WRAP73: variants seen among roughly 807,000 people sequenced by gnomAD.
The protein encoded by WRAP73 is WD repeat containing, antisense to TP73.
WRAP73 carries 55 observed loss-of-function variants against 59.6 expected under a neutral mutation model. The observed-to-expected ratio is 0.92, with a 90% CI of 0.74 to 1.15. The LOEUF is 1.15. WRAP73 is among the 50% of genes most tolerant of loss of function. WRAP73 has a pLI of 0.00. For synonymous variants in WRAP73, 265 were observed against 258.2 expected, an observed-to-expected ratio of 1.03 and a Z score of -0.25; for missense variants, 592 against 608.1, an observed-to-expected ratio of 0.97 and a Z score of 0.28.
intron 9 of WRAP73, 133 bp downstream of exon 9, chr1:3,633,265 G>A: frequency 7.3e-6 from 6 of 822,798 alleles, no homozygotes; most frequent in Non-Finnish European, 1.2e-5. Context: ...AGGCTGAGGG[G>A]CACACTGGCT....
chr1:3,645,640 G>A (rs1439233700), intron 3 of WRAP73, among the ~76,000 whole-genome samples: 1 of 152,342 alleles, frequency 6.6e-6, no homozygotes, highest in African/African-American at 2.4e-5. Context: ...CATCAGAAAA[G>A]CACATTATTA....
intron 1 of WRAP73, 56 bp downstream of exon 1, chr1:3,649,875 C>A: frequency 6.5e-7 from 1 of 1,542,816 alleles, no homozygotes; most frequent in Non-Finnish European, 8.7e-7. Context: ...GCCCTGCCCG[C>A]CGGGGACGCT....
Position 3,649,804 on chromosome 1 carries a change from C to G in WRAP73, c.69+127G>C, listed in dbSNP as rs1055744348. ...CCCGGGTACCTGCCCGGGCCCCGCA[C>G]CTGTCCGGGCACCGCACCTGCAGGA... On this transcript the variant is annotated intron_variant, in intron 1 of 11. Transcript: ENST00000270708. 1.1e-5 allele frequency: 11 copies of G among 1,010,890 alleles called. No homozygotes were observed. In the African/African-American group the frequency reaches 1.9e-4, roughly 17 times the overall value. The allele number at this position is 1,010,890 out of a possible 1,614,324, so 62.6% of individuals were successfully genotyped here.
At chr1:3,632,750 C>A (rs1008047127) in intron 9 of WRAP73, 1 of 285,312 alleles carries the variant, frequency 3.5e-6, no homozygotes, top group Non-Finnish European at 6.8e-6. Flanking sequence ...GAAGAACCAT[C>A]ATCACAGCAG....
chr1:3,647,523 AC>A lies in WRAP73; in HGVS notation c.106del (p.Val36Ter), dbSNP rs758309144. On this transcript the variant is annotated frameshift_variant, in exon 2 of 12. Coordinates refer to ENST00000270708, the MANE Select transcript of WRAP73 (RefSeq NM_017818.4). LOFTEE classifies it high-confidence loss of function. The stretch of plus-strand genomic sequence containing the variant: ...CAGCTGAAGGATCTGAAGGGTGTTC[AC>A]ATCCCGGACCACTAACCGGTACTGG... ...CVQYRLVVRD[V>X]NTLQILQLYT... is the part of the protein sequence containing the mutation. 1 of 1,613,944 alleles carries A rather than the reference AC, an allele frequency of 6.2e-7. No individual in the cohort carries two copies.
chr1:3,649,310 G>A (rs1314144032), intron 1 of WRAP73, among the ~76,000 whole-genome samples: 1 of 152,166 alleles, frequency 6.6e-6, no homozygotes, highest in Non-Finnish European at 1.5e-5. Context: ...CCTTACCTGG[G>A]GATAGAATAC....
intron 3 of WRAP73, among the ~76,000 whole-genome samples, chr1:3,645,484 C>T (rs547438567): frequency 7.8e-4 from 116 of 148,008 alleles, no homozygotes; most frequent in Middle Eastern, 3.5e-3. Flanking sequence ...CGGGTTGCCC[C>T]GTGGTGTGCG....
Position 3,635,036 on chromosome 1 carries a change from C to T in WRAP73, c.777G>A (p.Thr259=), listed in dbSNP as rs374901046. The T allele has an allele frequency of 1.1e-5, 18 of 1,614,092 alleles. No homozygotes were observed. Among genetic ancestry groups the T allele is most frequent in the African/African-American group, 2.7e-5 (2 of 74,944 alleles). The part of the protein sequence containing the change: ...ILNHVTWKMI[T]EFGHPAAIND... ...TAATGGCTGCAGGATGCCCAAACTC[C>T]GTGATCATTTTCCAAGTCACGTGAT... The change falls in exon 8 of 12, where the codon ACG becomes ACA. Residue 259 remains threonine, a synonymous_variant. Transcript: ENST00000270708.
At position 3,634,690 on chromosome 1, in the gene WRAP73, C is replaced by G. The variant is rs1163561110; in HGVS notation, c.816+307G>C. The G allele has an allele frequency of 1.0e-5, 4 of 386,642 alleles. No individual in the cohort carries two copies. In the East Asian group the frequency reaches 2.2e-4, roughly 21 times the overall value. The allele number at this position is 386,642 out of a possible 1,614,324, so 24.0% of individuals were successfully genotyped here. A position where few individuals can be genotyped will look rare whatever the true frequency, so the allele number is the denominator to read the frequency against. ...TGCCCAGTGTTTGGGGGCAGGAGAC[C>G]CTGGCCACTCTGTACAGCACAGGGA... On this transcript the variant is annotated intron_variant, in intron 8 of 11. Coordinates refer to ENST00000270708, the MANE Select transcript of WRAP73 (RefSeq NM_017818.4).
rs113614277 is a variant in WRAP73 at position 3,635,992 on chromosome 1, C to T, written c.555G>A (p.Glu185=). The T allele has an allele frequency of 1.9e-3, 2,989 of 1,614,040 alleles. 12 individuals carry two copies. Among genetic ancestry groups the T allele is most frequent in the Non-Finnish European group, 1.5e-3 (1,823 of 1,180,020 alleles). The change falls in exon 6 of 12, where the codon GAG becomes GAA. Residue 185 remains glutamate, a synonymous_variant. Transcript: ENST00000270708. The part of the protein sequence containing the change: ...DTDTQDLTGI[E]WAPNGCVLAV... ...CCAGCACACAGCCGTTTGGGGCCCA[C>T]TCAATCCCTGTGAGATCCTGGGTGT...
At position 3,635,000 on chromosome 1, in the gene WRAP73, C is replaced by T. The variant is rs1204003771; in HGVS notation, c.813G>A (p.Lys271=). ...FGHPAAINDP[K]IVVYKEAEKS... is the part of the protein sequence containing the mutation. ...GAAACACGTGTTCCAGACTTACTATCTTGGGATCATTAATGGCTGCAGGAT... is the reference window on the plus strand; with the variant it reads ...GAAACACGTGTTCCAGACTTACTATTTTGGGATCATTAATGGCTGCAGGAT... The change falls in exon 8 of 12, where the codon AAG becomes AAA. Residue 271 remains lysine, a synonymous_variant. Coordinates refer to ENST00000270708, the MANE Select transcript of WRAP73 (RefSeq NM_017818.4). 6.2e-7 allele frequency: 1 copy of T among 1,614,218 alleles called. No individual in the cohort carries two copies. The highest frequency in any genetic ancestry group is 1.1e-5 in the South Asian group (1 of 91,088).
chr1:3,647,255 T>C, intron 2 of WRAP73, 153 bp downstream of exon 2: 1 of 834,698 alleles, frequency 1.2e-6, no homozygotes, highest in Non-Finnish European at 1.7e-6. Context: ...GTTTAAATGT[T>C]CTTAAACTTT....
Position 3,649,919 on chromosome 1 carries a change from C to G in WRAP73, c.69+12G>C. The G allele has an allele frequency of 2.5e-6, 4 of 1,595,390 alleles. No individual in the cohort carries two copies. Among genetic ancestry groups the G allele is most frequent in the South Asian group, 1.1e-5 (1 of 88,274 alleles). ...GGATGTCCTGCCCGTGGCCCAGGTC[C>G]CCGCCGCTCACCAGGTACTTGCCGT... On this transcript the variant is annotated intron_variant, in intron 1 of 11. Transcript: ENST00000270708.
At chr1:3,640,934 G>A (rs758618980) in intron 3 of WRAP73, among the ~76,000 whole-genome samples, 2 of 152,214 alleles carry the variant, frequency 1.3e-5, no homozygotes, top group Non-Finnish European at 2.9e-5. Flanking sequence ...CCCCACTCAG[G>A]CACATCTTAG....
chr1:3,637,178 A>T, intron 4 of WRAP73, 80 bp from the exon 5 acceptor site: 1 of 1,228,048 alleles, frequency 8.1e-7, no homozygotes, highest in Non-Finnish European at 1.2e-6. Flanking sequence ...TTCACAAGGA[A>T]GGAGGAGGAA....
At chr1:3,642,678 G>A (rs1313767585) in intron 3 of WRAP73, among the ~76,000 whole-genome samples, 3 of 150,628 alleles carry the variant, frequency 2.0e-5, no homozygotes, top group African/African-American at 7.4e-5. Flanking sequence ...CGTAGGTTGC[G>A]GTGAGCTTGG....
chr1:3,640,334 C>A (rs1307679530), intron 3 of WRAP73, among the ~76,000 whole-genome samples: 1 of 152,252 alleles, frequency 6.6e-6, no homozygotes, highest in Non-Finnish European at 1.5e-5. Context: ...GAGGCTGAAA[C>A]CTTGCCCAAG....
At chr1:3,637,318 T>C (rs1644598497) in intron 4 of WRAP73, among the ~76,000 whole-genome samples, 1 of 152,172 alleles carries the variant, frequency 6.6e-6, no homozygotes, top group Admixed American at 6.5e-5. Context: ...CAGTGTGTGC[T>C]GGGGGAAGCT....
intron 5 of WRAP73, 186 bp from the exon 6 acceptor site, chr1:3,636,216 A>C (rs2821061): frequency 1.7e-6 from 1 of 599,574 alleles, no homozygotes; most frequent in East Asian, 2.8e-5. Context: ...ACCGCCACAG[A>C]TGCCAGCGTC....
Sources: gnomAD v4.1 joint callset for allele counts (sites outside exome capture counted in the v4.1 genomes callset) on GRCh38, gnomAD v4.1.1 for gene constraint, MANE v1.5 for transcripts, NCBI Gene and HGNC (gene_info 2026-07-23, HGNC 2026-07-21) for gene names.